Variants in LAMA3 observed in about 807,000 individuals in gnomAD.
LAMA3 encodes laminin subunit alpha-3.
LAMA3 carries 281 observed loss-of-function variants against 402.0 expected under a neutral mutation model. That is an observed-to-expected ratio of 0.70 (90% CI 0.63 to 0.77). The LOEUF (loss-of-function observed/expected upper bound fraction) is 0.77, where lower values mean the gene tolerates loss of function less well. Among genes scored for constraint, LAMA3 ranks in the 30% least tolerant of loss-of-function variants. The pLI is 0.00. For missense variants in LAMA3, 3,840 were observed against 4,215.5 expected (o/e 0.91, Z 2.47); for synonymous variants, 1,431 against 1,558.4 (o/e 0.92, Z 1.93).
intron 5 of LAMA3, 28 bp from the exon 6 acceptor site, chr18:23,753,693 C>T (rs1453581489): frequency 6.4e-7 from 1 of 1,566,904 alleles, no homozygotes; most frequent in Admixed American, 1.7e-5. Flanking sequence ...TTCAGTGAAA[C>T]TTGCATGTTC....
intron 55 of LAMA3, among the ~76,000 whole-genome samples, chr18:23,910,842 A>C (rs932365498): frequency 1.3e-5 from 2 of 152,236 alleles, no homozygotes; most frequent in Non-Finnish European, 2.9e-5. Context: ...GGTGGACACC[A>C]TTTATATAAA....
chr18:23,732,304 G>T (rs536790588), intron 2 of LAMA3, among the ~76,000 whole-genome samples: 1 of 152,116 alleles, frequency 6.6e-6, no homozygotes, highest in Admixed American at 6.5e-5. Context: ...GGGAAGAGGC[G>T]AGAGCTTTGG....
intron 2 of LAMA3, among the ~76,000 whole-genome samples, chr18:23,742,505 A>G (rs2061580439): frequency 1.3e-5 from 2 of 152,258 alleles, no homozygotes; most frequent in African/African-American, 4.8e-5. Context: ...TTGAATTTAT[A>G]TAGAAGAAAT....
At chr18:23,942,352 T>C (rs9948643) in intron 68 of LAMA3, among the ~76,000 whole-genome samples, 213 of 152,224 alleles carry the variant, frequency 1.4e-3, no homozygotes, top group African/African-American at 5.0e-3. Flanking sequence ...CCTTTATGCA[T>C]CCCTCTCAGG....
Position 23,954,515 on chromosome 18 carries a change from C to T in LAMA3, c.9869C>T (p.Thr3290Ile). 6.2e-7 allele frequency: 1 copy of T among 1,613,538 alleles called. No individual in the cohort carries two copies. The highest frequency in any genetic ancestry group is 8.5e-7 in the Non-Finnish European group (1 of 1,179,838). ...CTTTCTCTTTCAGCCAATTTGACGA[C>T]ACTGAGGATCCCTGTGTGGAAATCA... Reference protein sequence around the residue: ...HLGGAPANLTTLRIPVWKSFF... With the variant: ...HLGGAPANLTILRIPVWKSFF... The change falls in exon 75 of 75, where the codon ACA becomes ATA. Residue 3290 changes from threonine (T) to isoleucine (I), a missense_variant. Around this residue, in one of 3 missense-constraint regions of LAMA3, gnomAD observed 840 missense variants for 981.9 expected, o/e 0.86. Transcript: ENST00000313654.
intron 35 of LAMA3, among the ~76,000 whole-genome samples, chr18:23,863,520 C>A (rs994180972): frequency 6.6e-6 from 1 of 152,132 alleles, no homozygotes; most frequent in South Asian, 2.1e-4. Context: ...AATTTGTGGC[C>A]ATGTTTTTAA....
In LAMA3 at chr18:23,894,801, G is replaced by A. The variant is rs186398911; in HGVS notation, c.5462-106G>A. 68 of 1,426,466 alleles carry A rather than the reference G, an allele frequency of 4.8e-5. No homozygotes were observed. In the African/African-American group the frequency reaches 5.6e-4, roughly 12 times the overall value. The allele number at this position is 1,426,466 out of a possible 1,614,324, so 88.4% of individuals were successfully genotyped here. A position where few individuals can be genotyped will look rare whatever the true frequency, so the allele number is the denominator to read the frequency against. On this transcript the variant is annotated intron_variant, in intron 43 of 74. Coordinates refer to ENST00000313654, the MANE Select transcript of LAMA3 (RefSeq NM_198129.4). ...AAGGCCAGGGCTGTGGTTGTCACCC[G>A]TGACGATCTGCGTGCATGCCAACTG...
intron 2 of LAMA3, among the ~76,000 whole-genome samples, chr18:23,719,828 A>C (rs1480517123): frequency 6.6e-6 from 1 of 152,176 alleles, no homozygotes; most frequent in Non-Finnish European, 1.5e-5. Context: ...TTGGCTCTAC[A>C]GATGGTTGGC....
chr18:23,731,396 G>A (rs1038186463), intron 2 of LAMA3, among the ~76,000 whole-genome samples: 4 of 152,104 alleles, frequency 2.6e-5, no homozygotes, highest in African/African-American at 9.7e-5. Flanking sequence ...TTCTCTTCTT[G>A]TTAAGATTTA....
chr18:23,758,045 C>A (rs2061887183), intron 6 of LAMA3, among the ~76,000 whole-genome samples: 1 of 152,204 alleles, frequency 6.6e-6, no homozygotes, highest in Admixed American at 6.5e-5. Context: ...AAAGTCAGCA[C>A]TTGAGTGCTC....
At chr18:23,698,891 T>A (rs971482615) in intron 1 of LAMA3, among the ~76,000 whole-genome samples, 7 of 152,184 alleles carry the variant, frequency 4.6e-5, no homozygotes, top group Non-Finnish European at 8.8e-5. Flanking sequence ...GTAAATATAA[T>A]AATTGTAGGT....
chr18:23,749,528 A>G lies in LAMA3; in HGVS notation c.666A>G (p.Val222=). 6.2e-7 allele frequency: 1 copy of G among 1,601,776 alleles called. No homozygotes were observed. Among genetic ancestry groups the G allele is most frequent in the South Asian group, 1.1e-5 (1 of 90,796 alleles). Residue 222 remains valine, a synonymous_variant, in exon 4 of 75, where the codon GTA becomes GTG. Transcript: ENST00000313654. The stretch of plus-strand genomic sequence containing the variant: ...GTGTTACTGAATATTCCCGTATTGT[A>G]CCTTTGGAAAATGGTGAGGTAAGTA... ...VLCVTEYSRI[V]PLENGEVVVS... is the part of the protein sequence containing the mutation.
chr18:23,837,038 A>G lies in LAMA3; in HGVS notation c.3042A>G (p.Leu1014=). The part of the protein sequence containing the change: ...DHMSRIAMYE[L]LADADIQLKG... ...TGAGCCGCATCGCCATGTATGAGCTATTGGCAGATGCAGACATTCAGCTCA... is the reference window on the plus strand; with the variant it reads ...TGAGCCGCATCGCCATGTATGAGCTGTTGGCAGATGCAGACATTCAGCTCA... The change falls in exon 25 of 75, where the codon CTA becomes CTG. Residue 1014 remains leucine (L), a synonymous_variant. Coordinates refer to ENST00000313654, the MANE Select transcript of LAMA3 (RefSeq NM_198129.4). 1 of 1,614,008 alleles carries G rather than the reference A, an allele frequency of 6.2e-7. No individual in the cohort carries two copies. Among genetic ancestry groups the G allele is most frequent in the Non-Finnish European group, 8.5e-7 (1 of 1,179,880 alleles).
chr18:23,690,699 C>T (rs1377142263), intron 1 of LAMA3, among the ~76,000 whole-genome samples: 1 of 151,684 alleles, frequency 6.6e-6, no homozygotes, highest in Non-Finnish European at 1.5e-5. Context: ...CAGCCTCGAA[C>T]TCCTGGGCTC....
At position 23,837,973 on chromosome 18, in the gene LAMA3, G is replaced by A. The variant is rs560952391; in HGVS notation, c.3094-808G>A. Among the ~76,000 whole-genome samples the A allele has an allele frequency of 3.0e-4, 46 of 152,198 alleles. 1 individual carries two copies. In the South Asian group the frequency reaches 9.2e-3, roughly 30 times the overall value. Reference sequence around the variant, plus strand: ...TCCTTCTTAAAACATAACAATCTGAGGGAATCTAACCTCTTCATCTTTAGA... The same window carrying A: ...TCCTTCTTAAAACATAACAATCTGAAGGAATCTAACCTCTTCATCTTTAGA... On this transcript the variant is annotated intron_variant, in intron 25 of 74. Coordinates refer to ENST00000313654, the MANE Select transcript of LAMA3 (RefSeq NM_198129.4).
chr18:23,730,926 T>G (rs1442695946), intron 2 of LAMA3, among the ~76,000 whole-genome samples: 1 of 152,166 alleles, frequency 6.6e-6, no homozygotes, highest in Non-Finnish European at 1.5e-5. Context: ...CGGAAGACTC[T>G]GAAACTTTAT....
chr18:23,756,458 C>A, intron 6 of LAMA3, among the ~76,000 whole-genome samples: 1 of 150,936 alleles, frequency 6.6e-6, no homozygotes, highest in South Asian at 2.1e-4. Flanking sequence ...GCCCCCACCC[C>A]CCCGCCAAAA....
intron 43 of LAMA3, 129 bp from the exon 44 acceptor site, chr18:23,894,778 G>A: frequency 8.8e-7 from 1 of 1,137,724 alleles, no homozygotes; most frequent in Admixed American, 1.8e-5. Flanking sequence ...TCCCTGAGAA[G>A]GCCAGGGCTG....
At chr18:23,951,994 C>T (rs554464308) in intron 73 of LAMA3, among the ~76,000 whole-genome samples, 8 of 152,264 alleles carry the variant, frequency 5.3e-5, no homozygotes, top group Admixed American at 1.3e-4. Context: ...TTTATTGTTG[C>T]TGTTGTTGTT....
Sources: gnomAD v4.1 joint callset for allele counts (sites outside exome capture counted in the v4.1 genomes callset) on GRCh38, gnomAD v4.1.1 for gene constraint, gnomAD v4.1.1 regional missense constraint, MANE v1.5 for transcripts, NCBI Gene and HGNC (gene_info 2026-07-23, HGNC 2026-07-21) for gene names.